The following SLC29A3 variants were observed in gnomAD, a reference collection of about 807,000 sequenced individuals.
SLC29A3 encodes equilibrative nucleoside transporter 3.
Under a neutral mutation model 25.4 loss-of-function variants are expected in SLC29A3, and 18 were observed. The ratio of observed to expected loss-of-function variants is 0.71; its 90% confidence interval spans 0.49 to 1.05. SLC29A3 has a LOEUF of 1.05. Ranked by LOEUF, SLC29A3 falls within the 50% of genes least tolerant of loss-of-function variation. The pLI, the probability that SLC29A3 is intolerant of heterozygous loss-of-function variation, is 0.00. For synonymous variants in SLC29A3, 258 were observed against 267.1 expected, an observed-to-expected ratio of 0.97 and a Z score of 0.33; for missense variants, 586 against 609.0, an observed-to-expected ratio of 0.96 and a Z score of 0.40.
chr10:71,336,419 G>A (rs1055538316), intron 2 of SLC29A3, among the ~76,000 whole-genome samples: 7 of 152,106 alleles, frequency 4.6e-5, no homozygotes, highest in African/African-American at 1.4e-4. Flanking sequence ...CAGGTGGGCT[G>A]CGAGGAGGAC....
In SLC29A3 at chr10:71,351,749, G is replaced by C. The variant is rs770328093; in HGVS notation, c.571G>C (p.Gly191Arg). Reference protein sequence around the residue: ...VFSSSIYGMTGSFPMRNSQAL... With the variant: ...VFSSSIYGMTRSFPMRNSQAL... ...CAGCAGCAGCATCTACGGCATGACC[G>C]GCTCCTTTCCTATGAGGAACTCCCA... Residue 191 changes from glycine (G) to arginine (R), a missense_variant, in exon 4 of 6, where the codon GGC (glycine) becomes CGC (arginine). Transcript: ENST00000373189. The C allele has an allele frequency of 6.2e-7, 1 of 1,613,890 alleles. No individual in the cohort carries two copies.
At position 71,351,997 on chromosome 10, in the gene SLC29A3, TC is replaced by T. The variant is rs540121995; in HGVS notation, c.610+210del. Among the ~76,000 whole-genome samples, 287 of 152,254 alleles carry T rather than the reference TC, an allele frequency of 1.9e-3. 2 individuals carry two copies. The highest frequency in any genetic ancestry group is 0.017 in the Admixed American group (259 of 15,292). ...GACAGGAGTTTGCAGGTGTAGCTCT[TC>T]TCTTCTCCCCATGGCATCAGCCAGC... On this transcript the variant is annotated intron_variant, in intron 4 of 5. Transcript: ENST00000373189.
chr10:71,322,936 G>T lies in SLC29A3; in HGVS notation c.182G>T (p.Gly61Val). The T allele has an allele frequency of 6.2e-7, 1 of 1,614,210 alleles. No homozygotes were observed. Among genetic ancestry groups the T allele is most frequent in the Non-Finnish European group, 8.5e-7 (1 of 1,180,046 alleles). The change falls in exon 2 of 6, where the codon GGC becomes GTC. Residue 61 changes from glycine (G) to valine (V), a missense_variant. Transcript: ENST00000373189. ...ACATACATCATCTTCTTCAGCCTGG[G>T]CATTGGCAGTCTACTGCCATGGAAC... ...CGTYIIFFSL[G>V]IGSLLPWNFF...
intron 2 of SLC29A3, among the ~76,000 whole-genome samples, chr10:71,327,779 GCCT>G (rs1264244966): frequency 1.7e-4 from 24 of 141,366 alleles, no homozygotes; most frequent in African/African-American, 5.9e-4. Flanking sequence ...CCCTGGTCTG[GCCT>G]CCTTTTCCAG....
In SLC29A3 at chr10:71,362,715, A is replaced by T. The variant is rs780099919; in HGVS notation, c.*107A>T. ...AAGGCCTAAAGTTTCACTTGGGGACAGAGAGCAGAGCACACTCGGGCCTCA... is the reference window on the plus strand; with the variant it reads ...AAGGCCTAAAGTTTCACTTGGGGACTGAGAGCAGAGCACACTCGGGCCTCA... On this transcript the variant is annotated 3_prime_UTR_variant, in exon 6 of 6. Transcript: ENST00000373189. The T allele has an allele frequency of 6.9e-7, 1 of 1,457,240 alleles. No individual in the cohort carries two copies. Among genetic ancestry groups the T allele is most frequent in the Non-Finnish European group, 9.5e-7 (1 of 1,054,584 alleles). 90.3% of individuals were successfully genotyped at this position (1,457,240 alleles called of 1,614,324 possible).
intron 5 of SLC29A3, among the ~76,000 whole-genome samples, chr10:71,358,801 T>C (rs1003328242): frequency 1.3e-5 from 2 of 152,204 alleles, no homozygotes; most frequent in African/African-American, 4.8e-5. Flanking sequence ...CCAGGATGGT[T>C]GGTCAGCCTA....
intron 3 of SLC29A3, among the ~76,000 whole-genome samples, chr10:71,369,158 G>GA (rs1847192501): frequency 6.6e-6 from 1 of 152,212 alleles, no homozygotes; most frequent in South Asian, 2.1e-4. Flanking sequence ...CCAGGAAGCA[G>GA]ACCCTCAGCA....
At chr10:71,337,852 C>T (rs980009360) in intron 2 of SLC29A3, among the ~76,000 whole-genome samples, 7 of 152,182 alleles carry the variant, frequency 4.6e-5, no homozygotes, top group Admixed American at 2.0e-4. Context: ...AAATGTGGCC[C>T]GTCATAAAAT....
chr10:71,372,736 C>A (rs78328228), intron 3 of SLC29A3, among the ~76,000 whole-genome samples: 1 of 152,182 alleles, frequency 6.6e-6, no homozygotes, highest in Non-Finnish European at 1.5e-5. Flanking sequence ...CTCACTCAAC[C>A]TTCCTTGAAA....
At chr10:71,339,350 C>T (rs566052349) in intron 2 of SLC29A3, among the ~76,000 whole-genome samples, 3 of 152,334 alleles carry the variant, frequency 2.0e-5, no homozygotes, top group East Asian at 3.9e-4. Context: ...TTGAGTCCCA[C>T]ACCCTGCCTG....
In SLC29A3 at chr10:71,362,856, G is replaced by C; in HGVS notation, c.*248G>C. The stretch of plus-strand genomic sequence containing the variant: ...TGAAGAAGAAATAGCACAAATCAGG[G>C]GTACTCCCTTCACAGCTGATGGTTA... On this transcript the variant is annotated 3_prime_UTR_variant, in exon 6 of 6. Coordinates refer to ENST00000373189, the MANE Select transcript of SLC29A3 (RefSeq NM_018344.6). The C allele has an allele frequency of 1.5e-6, 1 of 672,970 alleles. No homozygotes were observed. Among genetic ancestry groups the C allele is most frequent in the Non-Finnish European group, 2.7e-6 (1 of 368,450 alleles). 41.7% of individuals were successfully genotyped at this position (672,970 alleles called of 1,614,324 possible).
At chr10:71,378,881 A>G (rs545152865) in intron 4 of SLC29A3, among the ~76,000 whole-genome samples, 8 of 152,226 alleles carry the variant, frequency 5.3e-5, no homozygotes, top group African/African-American at 1.7e-4. Context: ...TCCTGAATTC[A>G]CTTCTAATAA....
At chr10:71,361,286 A>G (rs1020085643) in intron 5 of SLC29A3, among the ~76,000 whole-genome samples, 2 of 152,112 alleles carry the variant, frequency 1.3e-5, no homozygotes, top group Admixed American at 6.6e-5. Context: ...CTATGGGCAT[A>G]TACCACCACA....
intron 2 of SLC29A3, among the ~76,000 whole-genome samples, chr10:71,332,547 C>T (rs1846145140): frequency 6.6e-6 from 1 of 152,180 alleles, no homozygotes; most frequent in South Asian, 2.1e-4. Context: ...TGGGATTTTG[C>T]CTGAGCTTTG....
intron 2 of SLC29A3, among the ~76,000 whole-genome samples, chr10:71,330,082 C>T (rs1443282392): frequency 2.0e-5 from 3 of 152,234 alleles, no homozygotes; most frequent in Non-Finnish European, 2.9e-5. Context: ...GAGCTCCACC[C>T]GCAAGCCCAC....
intron 3 of SLC29A3, among the ~76,000 whole-genome samples, chr10:71,348,855 G>A (rs919409966): frequency 6.6e-5 from 10 of 152,220 alleles, no homozygotes; most frequent in Admixed American, 2.0e-4. Flanking sequence ...TCTGGGAGGT[G>A]AAGGTGGGAG....
intron 3 of SLC29A3, among the ~76,000 whole-genome samples, chr10:71,351,037 C>A (rs1380896038): frequency 6.6e-6 from 1 of 152,190 alleles, no homozygotes; most frequent in Non-Finnish European, 1.5e-5. Context: ...AAGATGACGA[C>A]GATGATTTTC....
chr10:71,330,101 G>A (rs902523181), intron 2 of SLC29A3, among the ~76,000 whole-genome samples: 3 of 152,224 alleles, frequency 2.0e-5, no homozygotes, highest in South Asian at 2.1e-4. Flanking sequence ...ACAGTTCCAC[G>A]CCAGCCAGTG....
chr10:71,341,356 C>G (rs1036303000), intron 2 of SLC29A3, among the ~76,000 whole-genome samples: 63 of 152,274 alleles, frequency 4.1e-4, no homozygotes, highest in African/African-American at 1.5e-3. Flanking sequence ...CCACTAAGTC[C>G]GTTTCTTGAA....
Sources: gnomAD v4.1 joint callset for allele counts (sites outside exome capture counted in the v4.1 genomes callset) on GRCh38, gnomAD v4.1.1 for gene constraint, MANE v1.5 for transcripts, NCBI Gene and HGNC (gene_info 2026-07-23, HGNC 2026-07-21) for gene names.